SACS: variants seen among roughly 807,000 people sequenced by gnomAD.
The protein encoded by SACS is sacsin.
In SACS, 197 loss-of-function variants were observed where a neutral mutation model predicts 348.0. The ratio of observed to expected loss-of-function variants is 0.57; its 90% CI spans 0.50 to 0.64. The LOEUF is 0.64. Among genes scored for constraint, SACS ranks in the 30% least tolerant of loss-of-function variants. The pLI is 0.00. For synonymous variants in SACS, 1,985 were observed against 1,910.6 expected (o/e 1.04, Z -1.02); for missense variants, 4,999 against 5,360.8 (o/e 0.93, Z 2.11).
chr13:23,401,902 C>G (rs1872993641), intron 2 of SACS, among the ~76,000 whole-genome samples: 1 of 152,142 alleles, frequency 6.6e-6, no homozygotes, highest in Admixed American at 6.5e-5. Flanking sequence ...TTCCAGAGGC[C>G]AGGCGCAGTG....
At position 23,334,578 on chromosome 13, in the gene SACS, A is replaced by G; in HGVS notation, c.9298T>C (p.Ser3100Pro). 1.9e-6 allele frequency: 3 copies of G among 1,613,548 alleles called. No homozygotes were observed. The South Asian group carries it at 3.3e-5, about 18-fold the overall frequency. The change falls in exon 10 of 10, where the codon TCT becomes CCT. Residue 3100 changes from serine to proline, a missense_variant. This residue lies in a region of SACS where 734 missense variants were observed against 694.0 expected (regional missense o/e 1.06). Transcript: ENST00000382292. The part of the protein sequence containing the change: ...VSYVTPADIR[S>P]FLMTFSSPDT... ...GGAGAGGAAAATGTCATTAAAAAAGATCTGATATCAGCAGGGGTCACATAA... is the reference window on the plus strand; with the variant it reads ...GGAGAGGAAAATGTCATTAAAAAAGGTCTGATATCAGCAGGGGTCACATAA...
rs114637234 is a variant in SACS at position 23,347,492 on chromosome 13, G to C, written c.2186-5802C>G. 8.7e-3 allele frequency among the ~76,000 whole-genome samples: 1,318 copies of C among 152,170 alleles called. 20 individuals are homozygous for C. The highest frequency in any genetic ancestry group is 0.03 in the African/African-American group (1,250 of 41,514). ...TAACTAAACTAGTAGCTAAGATAGA[G>C]AGCAAAGGTGTAACCAAAGAAACTC... On this transcript the variant is annotated intron_variant, in intron 9 of 9. Transcript: ENST00000382292.
intron 2 of SACS, among the ~76,000 whole-genome samples, chr13:23,396,336 A>G (rs992975424): frequency 2.0e-5 from 3 of 151,794 alleles, no homozygotes; most frequent in African/African-American, 7.3e-5. Flanking sequence ...AAAAAAAAAA[A>G]AAAGAACTTA....
At position 23,375,121 on chromosome 13, in the gene SACS, C is replaced by G. The variant is rs1021024627; in HGVS notation, c.169G>C (p.Glu57Gln). The G allele has an allele frequency of 5.0e-5, 75 of 1,495,396 alleles. 1 individual carries two copies. In the East Asian group the frequency reaches 7.4e-4, roughly 15 times the overall value. 92.6% of individuals were successfully genotyped at this position (1,495,396 alleles called of 1,614,324 possible). ...SEQRLWRGGR[E>Q]LSDWIKIGDL... Reference sequence around the variant, plus strand: ...CAGCGCCCCCGGCCACCGCCTACCTCGCGGCCGCCGCGCCACAGCCGCTGC... The same window carrying G: ...CAGCGCCCCCGGCCACCGCCTACCTGGCGGCCGCCGCGCCACAGCCGCTGC... The change falls in exon 3 of 10, where the codon GAG becomes CAG. Residue 57 changes from glutamate (E) to glutamine (Q), a missense_variant and splice_region_variant. Glu to Gln is a conservative substitution (Grantham distance 29, BLOSUM62 2). This residue lies in a region of SACS where 3,156 missense variants were observed against 3,380.1 expected (regional missense o/e 0.93). Transcript: ENST00000382292.
intron 3 of SACS, 115 bp from the exon 4 acceptor site, chr13:23,371,280 T>C (rs1455243673): frequency 2.1e-6 from 1 of 475,032 alleles, no homozygotes; most frequent in East Asian, 3.4e-5. Context: ...CTTCTTATCA[T>C]GAAGGAAGTT....
chr13:23,370,667 T>G (rs1396537377), intron 4 of SACS, among the ~76,000 whole-genome samples: 3 of 152,168 alleles, frequency 2.0e-5, no homozygotes, highest in Non-Finnish European at 4.4e-5. Context: ...GCTTCTTTGT[T>G]AAAACTCAAT....
At chr13:23,360,388 C>CAA (rs869085963) in intron 6 of SACS, among the ~76,000 whole-genome samples, 5 of 64,264 alleles carry the variant, frequency 7.8e-5, no homozygotes, top group East Asian at 4.2e-4. Context: ...TCTACAAAGA[C>CAA]AAAAAAAAAA....
chr13:23,422,885 A>T (rs1291840865), intron 1 of SACS, among the ~76,000 whole-genome samples: 1 of 152,168 alleles, frequency 6.6e-6, no homozygotes, highest in Non-Finnish European at 1.5e-5. Flanking sequence ...TGTTAGGCCT[A>T]TATATGAACA....
intron 2 of SACS, among the ~76,000 whole-genome samples, chr13:23,399,019 C>CAAAAAGAAAAAAAAAAAAAAAA (rs1872833702): frequency 1.5e-5 from 1 of 67,140 alleles, no homozygotes; most frequent in East Asian, 7.1e-4. Flanking sequence ...GACTCCATCT[C>CAAAAAGAAAAAAAAAAAAAAAA]AAAAAAAAAA....
At chr13:23,357,250 AACT>A (rs1198881085) in intron 7 of SACS, among the ~76,000 whole-genome samples, 2 of 152,226 alleles carry the variant, frequency 1.3e-5, no homozygotes, top group African/African-American at 2.4e-5. Context: ...AACATTTACA[AACT>A]ACTACATGGC....
intron 2 of SACS, among the ~76,000 whole-genome samples, chr13:23,391,497 T>C (rs1396160635): frequency 6.6e-6 from 1 of 152,124 alleles, no homozygotes; most frequent in East Asian, 1.9e-4. Flanking sequence ...TCCTGCAGCG[T>C]CACCAGGGCC....
rs7334851 is a variant in SACS at position 23,388,999 on chromosome 13, A to G, written c.21-13730T>C. On this transcript the variant is annotated intron_variant, in intron 2 of 9. Transcript: ENST00000382292. ...TTTAATCCATGTATTCAAAAAATAC[A>G]TAACATGAGTTTTCTATGGACAAGG... Among the ~76,000 whole-genome samples, 1,194 of 152,332 alleles carry G rather than the reference A, an allele frequency of 7.8e-3. 19 individuals are homozygous for G. The highest frequency in any genetic ancestry group is 0.028 in the African/African-American group (1,144 of 41,568).
intron 1 of SACS, among the ~76,000 whole-genome samples, chr13:23,430,117 A>G (rs1874374800): frequency 6.6e-6 from 1 of 152,096 alleles, no homozygotes; most frequent in Non-Finnish European, 1.5e-5. Flanking sequence ...CTGAGGCAGG[A>G]GAATCACTGG....
In SACS at chr13:23,355,440, G is replaced by C; in HGVS notation, c.1172C>G (p.Ser391Cys). 6.2e-7 allele frequency: 1 copy of C among 1,614,080 alleles called. No homozygotes were observed. Among genetic ancestry groups the C allele is most frequent in the Non-Finnish European group, 8.5e-7 (1 of 1,179,984 alleles). Residue 391 changes from serine to cysteine, a missense_variant, in exon 8 of 10, where the codon TCT becomes TGT. Physicochemically the swap from Ser to Cys is moderately radical, Grantham distance 112. Transcript: ENST00000382292. ...ACCCACACTGTTACACACCAACCAA[G>C]ATGTTTTCTGTGCATCCTTAGTACT... ...EESTKDAQKTSWLVCNSVGGR... is the reference protein window; with the variant it reads ...EESTKDAQKTCWLVCNSVGGR...
intron 1 of SACS, among the ~76,000 whole-genome samples, chr13:23,430,114 A>C (rs144667033): frequency 0.011 from 1,620 of 152,178 alleles, 38 homozygotes; most frequent in African/African-American, 0.037. Flanking sequence ...AGGCTGAGGC[A>C]GGAGAATCAC....
intron 2 of SACS, among the ~76,000 whole-genome samples, chr13:23,400,097 T>C (rs1398141904): frequency 6.8e-5 from 10 of 148,030 alleles, no homozygotes; most frequent in South Asian, 2.1e-4. Context: ...ATCTCCTGGA[T>C]CTGGGAAGGA....
chr13:23,406,735 C>A lies in SACS; in HGVS notation c.20+4485G>T, dbSNP rs190212366. On this transcript the variant is annotated intron_variant, in intron 2 of 9. Transcript: ENST00000382292. ...TTTAAAAAATTAATGGGCAAAAAAA[C>A]CCCTCACGTCATCAATTATTATTTT... is the stretch of plus-strand genomic sequence containing the variant. 8.7e-3 allele frequency among the ~76,000 whole-genome samples: 1,330 copies of A among 152,116 alleles called. 16 individuals carry two copies. Among genetic ancestry groups the A allele is most frequent in the African/African-American group, 0.03 (1,258 of 41,482 alleles).
rs1343210805 is a variant in SACS, at chr13:23,340,050, G to A, written c.3826C>T (p.Pro1276Ser). The A allele has an allele frequency of 6.2e-7, 1 of 1,614,000 alleles. No homozygotes were observed. The highest frequency in any genetic ancestry group is 1.1e-5 in the South Asian group (1 of 91,056). Residue 1276 changes from proline to serine, a missense_variant, in exon 10 of 10, where the codon CCA becomes TCA. Around this residue, in one of 6 missense-constraint regions of SACS, gnomAD observed 3,156 missense variants for 3,380.1 expected, o/e 0.93. Transcript: ENST00000382292. ...AACTTTTTGCCAGTCCAAACCCATG[G>A]AAATTTTAAGGCTCTAAAAGAATCT... is the stretch of plus-strand genomic sequence containing the variant. ...GKDSFRALKF[P>S]WVWTGKKFCP...
intron 2 of SACS, among the ~76,000 whole-genome samples, chr13:23,392,188 T>A (rs1872552647): frequency 6.6e-6 from 1 of 152,158 alleles, no homozygotes; most frequent in South Asian, 2.1e-4. Context: ...GTGGTACTCA[T>A]CAGGACTGTA....
Sources: allele counts gnomAD v4.1 joint callset (sites outside exome capture counted in the v4.1 genomes callset), GRCh38; gene constraint gnomAD v4.1.1; regional missense constraint gnomAD v4.1.1; transcripts MANE v1.5; gene names NCBI Gene and HGNC (gene_info 2026-07-23, HGNC 2026-07-21).